CA8: variants seen among roughly 807,000 people sequenced by gnomAD.
CA8 encodes carbonic anhydrase 8 (inactive), also known as carbonic anhydrase-related protein.
CA8 carries 22 observed loss-of-function variants against 41.4 expected under a neutral mutation model. The observed-to-expected ratio is 0.53, with a 90% CI of 0.38 to 0.76. The LOEUF (loss-of-function observed/expected upper bound fraction) is 0.76. CA8 is among the 30% of genes least tolerant of loss of function. CA8 has a pLI of 0.00. For synonymous variants in CA8, 121 were observed against 130.6 expected (o/e 0.93, Z 0.50); for missense variants, 270 against 352.8 (o/e 0.77, Z 1.88).
chr8:60,262,656 T>C (rs1803770713), intron 3 of CA8, among the ~76,000 whole-genome samples: 2 of 152,182 alleles, frequency 1.3e-5, no homozygotes, highest in African/African-American at 4.8e-5. Flanking sequence ...TCAAATGTAC[T>C]CTGGGCAACA....
intron 3 of CA8, among the ~76,000 whole-genome samples, chr8:60,258,758 A>G (rs1348747385): frequency 6.6e-6 from 1 of 152,126 alleles, no homozygotes; most frequent in East Asian, 1.9e-4. Flanking sequence ...GGAGTGTGCA[A>G]CGTAGATCCC....
chr8:60,271,763 G>A (rs1239136629), intron 2 of CA8, among the ~76,000 whole-genome samples: 1 of 152,230 alleles, frequency 6.6e-6, no homozygotes, highest in East Asian at 1.9e-4. Flanking sequence ...AGTGTGGGCA[G>A]TCTCACACAT....
At chr8:60,240,157 T>G (rs1463888312) in intron 3 of CA8, among the ~76,000 whole-genome samples, 1 of 152,148 alleles carries the variant, frequency 6.6e-6, no homozygotes, top group Non-Finnish European at 1.5e-5. Context: ...AGAACAGACT[T>G]TCTAGAAGAC....
At chr8:60,205,135 A>T (rs1254135979) in intron 8 of CA8, among the ~76,000 whole-genome samples, 1 of 152,198 alleles carries the variant, frequency 6.6e-6, no homozygotes, top group African/African-American at 2.4e-5. Flanking sequence ...TGCTTGCTGA[A>T]TAACCCCATT....
At chr8:60,243,056 T>C (rs1282587978) in intron 3 of CA8, among the ~76,000 whole-genome samples, 1 of 152,162 alleles carries the variant, frequency 6.6e-6, no homozygotes, top group African/African-American at 2.4e-5. Flanking sequence ...TGTGAAAAAC[T>C]GAAGAATTGG....
intron 8 of CA8, among the ~76,000 whole-genome samples, chr8:60,202,293 C>T (rs1035305591): frequency 2.6e-5 from 4 of 151,530 alleles, no homozygotes; most frequent in Non-Finnish European, 5.9e-5. Flanking sequence ...CCTCATGATC[C>T]GCCTGCCTCA....
At chr8:60,273,499 G>C (rs886802522) in intron 2 of CA8, among the ~76,000 whole-genome samples, 1 of 152,202 alleles carries the variant, frequency 6.6e-6, no homozygotes, top group African/African-American at 2.4e-5. Context: ...CTCTCTTATG[G>C]GGAAAAAGAA....
chr8:60,227,247 C>G (rs908647365), intron 4 of CA8, among the ~76,000 whole-genome samples: 2 of 151,838 alleles, frequency 1.3e-5, no homozygotes, highest in Non-Finnish European at 2.9e-5. Context: ...GAGCCAAGAT[C>G]ATGCCACTGC....
rs193171515 is a variant in CA8 at position 60,217,640 on chromosome 8, T to C, written c.738+5009A>G. Among the ~76,000 whole-genome samples the C allele has an allele frequency of 4.6e-5, 7 of 152,316 alleles. No homozygotes were observed. In the East Asian group the frequency reaches 5.8e-4, roughly 13 times the overall value. The stretch of plus-strand genomic sequence containing the variant: ...TTAAAGGCATCTCAAACTCTCAATA[T>C]GCAACCATAAACTTGGCATCTTCTC... On this transcript the variant is annotated intron_variant, in intron 7 of 8. Transcript: ENST00000317995.
chr8:60,209,553 G>C (rs907743588), intron 7 of CA8, among the ~76,000 whole-genome samples: 1 of 152,134 alleles, frequency 6.6e-6, no homozygotes, highest in Non-Finnish European at 1.5e-5. Flanking sequence ...AAGAAAAAGT[G>C]AACAAATGAA....
intron 3 of CA8, among the ~76,000 whole-genome samples, chr8:60,263,324 A>G (rs1803794467): frequency 6.8e-6 from 1 of 146,064 alleles, no homozygotes; most frequent in South Asian, 2.2e-4. Context: ...TCCATCTTAA[A>G]AAAAAAAAAA....
intron 6 of CA8, among the ~76,000 whole-genome samples, chr8:60,223,816 G>C (rs1338530024): frequency 1.3e-5 from 2 of 152,118 alleles, no homozygotes; most frequent in Non-Finnish European, 2.9e-5. Context: ...TGCATCAACT[G>C]GTTTTGTTTA....
In CA8 at chr8:60,186,110, A is replaced by T. The variant is rs1010386963; in HGVS notation, c.*3911T>A. ...AAATGAACATAACCAGAAATGGTAA[A>T]TTAAAAGCTTACTAGAAGAAACTCT... On this transcript the variant is annotated 3_prime_UTR_variant, in exon 9 of 9. Coordinates refer to ENST00000317995, the MANE Select transcript of CA8 (RefSeq NM_004056.6). 6.6e-6 allele frequency among the ~76,000 whole-genome samples: 1 copy of T among 152,124 alleles called. No homozygotes were observed. Among genetic ancestry groups the T allele is most frequent in the African/African-American group, 2.4e-5 (1 of 41,462 alleles).
At chr8:60,245,451 C>T (rs1808195192) in intron 3 of CA8, among the ~76,000 whole-genome samples, 1 of 152,102 alleles carries the variant, frequency 6.6e-6, no homozygotes, top group Admixed American at 6.5e-5. Flanking sequence ...CAAACTAATC[C>T]AACTCACTTG....
chr8:60,229,838 A>G (rs1000547905), intron 4 of CA8, among the ~76,000 whole-genome samples: 2 of 152,060 alleles, frequency 1.3e-5, no homozygotes, highest in Admixed American at 6.6e-5. Context: ...AGACAGAATG[A>G]TATCTCTCCA....
intron 6 of CA8, among the ~76,000 whole-genome samples, 182 bp from the exon 7 acceptor site, chr8:60,222,943 G>A (rs1166386660): frequency 6.6e-6 from 1 of 152,138 alleles, no homozygotes; most frequent in Non-Finnish European, 1.5e-5. Context: ...TTGATAAAAA[G>A]CATGATGAAT....
intron 7 of CA8, among the ~76,000 whole-genome samples, chr8:60,211,855 G>GA (rs1304849222): frequency 6.6e-6 from 1 of 152,128 alleles, no homozygotes; most frequent in African/African-American, 2.4e-5. Flanking sequence ...AGTGCATACT[G>GA]AATCAGCCAC....
chr8:60,208,799 C>T lies in CA8; in HGVS notation c.859G>A (p.Ala287Thr). ...GTCCTCTTTGGCTACTGAAATGCAGCTCTAATGACTCTGTCACTAAGAGGC... is the reference window on the plus strand; with the variant it reads ...GTCCTCTTTGGCTACTGAAATGCAGTTCTAATGACTCTGTCACTAAGAGGC... ...TQPLSDRVIR[A>T]AFQ Residue 287 changes from alanine to threonine, a missense_variant, in exon 8 of 9, where the codon GCT (alanine) becomes ACT (threonine). Ala to Thr is a moderately conservative substitution (Grantham distance 58). Around this residue, in one of 3 missense-constraint regions of CA8, gnomAD observed 141 missense variants for 191.6 expected, o/e 0.74. Transcript: ENST00000317995. The T allele has an allele frequency of 6.2e-7, 1 of 1,614,140 alleles. No individual in the cohort carries two copies. The highest frequency in any genetic ancestry group is 8.5e-7 in the Non-Finnish European group (1 of 1,180,022).
intron 3 of CA8, among the ~76,000 whole-genome samples, chr8:60,247,274 C>T (rs1361394993): frequency 6.7e-6 from 1 of 149,336 alleles, no homozygotes; most frequent in Non-Finnish European, 1.5e-5. Context: ...AGGATTGTTA[C>T]ATAGGTATAC....
Sources: gnomAD v4.1 joint callset for allele counts (sites outside exome capture counted in the v4.1 genomes callset) on GRCh38, gnomAD v4.1.1 for gene constraint, gnomAD v4.1.1 regional missense constraint, MANE v1.5 for transcripts, NCBI Gene and HGNC (gene_info 2026-07-23, HGNC 2026-07-21) for gene names.